CGRRF1: variants seen among roughly 807,000 people sequenced by gnomAD.
The protein encoded by CGRRF1 is cell growth regulator with RING finger domain protein 1.
Under a neutral mutation model 37.2 loss-of-function variants are expected in CGRRF1, and 32 were observed. The ratio of observed to expected loss-of-function variants is 0.86; its 90% CI spans 0.65 to 1.16. The LOEUF (loss-of-function observed/expected upper bound fraction) is 1.16, where lower values mean the gene tolerates loss of function less well. CGRRF1 is among the 50% of genes most tolerant of loss of function. CGRRF1 has a pLI of 0.00. For synonymous variants in CGRRF1, 141 were observed against 140.3 expected, an observed-to-expected ratio of 1.00 and a Z score of -0.04; for missense variants, 391 against 382.6, an observed-to-expected ratio of 1.02 and a Z score of -0.18.
rs763579500 is a variant in CGRRF1, at chr14:54,537,734, T to G, written c.583T>G (p.Ser195Ala). The change falls in exon 5 of 6, where the codon TCA becomes GCA. Residue 195 changes from serine to alanine, a missense_variant. Ser to Ala is a moderately conservative substitution (Grantham distance 99). Transcript: ENST00000216420. ...ATTTTTATTTTAGATTTCCATGGTG[T>G]CAGTGATTCATATTCCTGATAGGAC... is the stretch of plus-strand genomic sequence containing the variant. ...REIYDIISMV[S>A]VIHIPDRTYK... 1 of 1,570,896 alleles carries G rather than the reference T, an allele frequency of 6.4e-7. No homozygotes were observed. The highest frequency in any genetic ancestry group is 8.6e-7 in the Non-Finnish European group (1 of 1,163,586).
At chr14:54,531,563 G>A (rs533974911) in intron 4 of CGRRF1, among the ~76,000 whole-genome samples, 21 of 152,184 alleles carry the variant, frequency 1.4e-4, no homozygotes, top group South Asian at 6.2e-4. Flanking sequence ...AATAATGATC[G>A]AAAGTGCTCA....
intron 2 of CGRRF1, 95 bp from the exon 3 acceptor site, chr14:54,529,954 C>A: frequency 2.0e-6 from 2 of 979,938 alleles, no homozygotes; most frequent in Non-Finnish European, 3.0e-6. Flanking sequence ...TCATCCTGGC[C>A]AGCATCCAAA....
intron 4 of CGRRF1, among the ~76,000 whole-genome samples, chr14:54,535,358 G>GACACACACACACACAC: frequency 9.2e-6 from 1 of 108,694 alleles, no homozygotes; most frequent in African/African-American, 3.7e-5. Flanking sequence ...GAAGGGTATA[G>GACACACACACACACAC]TCACACACAC....
rs1182321047 is a variant in CGRRF1, at chr14:54,538,191, G to A, written c.807G>A (p.Glu269=). 6.2e-7 allele frequency: 1 copy of A among 1,614,106 alleles called. No homozygotes were observed. The highest frequency in any genetic ancestry group is 8.5e-7 in the Non-Finnish European group (1 of 1,180,048). The stretch of plus-strand genomic sequence containing the variant: ...AAAGTGAAGTTGAGCCATCGGAAGA[G>A]AACAGCAAGGACTGTGTTGTTTGCC... ...LSESEVEPSE[E]NSKDCVVCQN... Residue 269 remains glutamate, a synonymous_variant, in exon 6 of 6, where the codon GAG becomes GAA. Transcript: ENST00000216420.
intron 4 of CGRRF1, 137 bp from the exon 5 acceptor site, chr14:54,537,585 C>T (rs927679528): frequency 3.5e-5 from 31 of 890,858 alleles, no homozygotes; most frequent in Non-Finnish European, 4.5e-5. Flanking sequence ...AATTTATCAG[C>T]CTTTTATTTT....
intron 1 of CGRRF1, among the ~76,000 whole-genome samples, chr14:54,512,966 C>T (rs1464622484): frequency 6.6e-6 from 1 of 152,210 alleles, no homozygotes; most frequent in Non-Finnish European, 1.5e-5. Context: ...AAGTAGGACT[C>T]AGTGTCCTCT....
At chr14:54,524,898 G>C (rs750629852) in intron 2 of CGRRF1, among the ~76,000 whole-genome samples, 1 of 152,076 alleles carries the variant, frequency 6.6e-6, no homozygotes, top group Non-Finnish European at 1.5e-5. Context: ...ATAGTAGGTT[G>C]TGCATGCCTG....
chr14:54,524,769 T>A (rs1186876544), intron 2 of CGRRF1, among the ~76,000 whole-genome samples: 1 of 152,136 alleles, frequency 6.6e-6, no homozygotes, highest in Non-Finnish European at 1.5e-5. Flanking sequence ...GAAACTAGGA[T>A]CTCGGCCACT....
chr14:54,522,318 A>G, intron 1 of CGRRF1, 136 bp from the exon 2 acceptor site: 1 of 591,440 alleles, frequency 1.7e-6, no homozygotes, highest in Non-Finnish European at 2.7e-6. Flanking sequence ...CTCTAAAATA[A>G]CGTAAATTGA....
In CGRRF1 at chr14:54,522,594, G is replaced by A. The variant is rs1212241695; in HGVS notation, c.244+1G>A. 5.7e-6 allele frequency: 9 copies of A among 1,578,140 alleles called. No individual in the cohort carries two copies. The Admixed American group carries it at 1.0e-4, about 18-fold the overall frequency. On this transcript the variant is annotated splice_donor_variant, in intron 2 of 5. Coordinates refer to ENST00000216420, the MANE Select transcript of CGRRF1 (RefSeq NM_006568.3). LOFTEE classifies it high-confidence loss of function. ...AATCCATCTTCAGCTTCAATTACAAGTTGGTGGCTGTTTTCCAAAGATTTT... is the reference window on the plus strand; with the variant it reads ...AATCCATCTTCAGCTTCAATTACAAATTGGTGGCTGTTTTCCAAAGATTTT...
intron 4 of CGRRF1, among the ~76,000 whole-genome samples, chr14:54,534,939 A>C (rs2032576280): frequency 6.6e-6 from 1 of 152,130 alleles, no homozygotes. Flanking sequence ...GGCTGGTCTC[A>C]AACTCCTGAG....
chr14:54,530,992 A>G lies in CGRRF1; in HGVS notation c.512A>G (p.Tyr171Cys), dbSNP rs762851087. The G allele has an allele frequency of 6.2e-7, 1 of 1,612,460 alleles. No homozygotes were observed. Among genetic ancestry groups the G allele is most frequent in the Admixed American group, 1.7e-5 (1 of 59,968 alleles). Residue 171 changes from tyrosine to cysteine, a missense_variant, in exon 4 of 6, where the codon TAT (tyrosine) becomes TGT (cysteine). Coordinates refer to ENST00000216420, the MANE Select transcript of CGRRF1 (RefSeq NM_006568.3). ...TTTGGTACAGTACCCAGATCTCGCT[A>G]TCCATTGGTAGCGCTATTGACCTTA... Reference protein sequence around the residue: ...EDFGTVPRSRYPLVALLTLAD... With the variant: ...EDFGTVPRSRCPLVALLTLAD...
chr14:54,510,856 T>C (rs2032118256), intron 1 of CGRRF1, among the ~76,000 whole-genome samples: 1 of 152,204 alleles, frequency 6.6e-6, no homozygotes, highest in African/African-American at 2.4e-5. Flanking sequence ...ACAGTTTTTC[T>C]AGGCTGCAGC....
intron 1 of CGRRF1, among the ~76,000 whole-genome samples, chr14:54,514,551 A>G (rs1468092359): frequency 1.3e-5 from 2 of 152,204 alleles, no homozygotes; most frequent in East Asian, 3.8e-4. Context: ...CCAGGTATTA[A>G]TCCCAGTACT....
chr14:54,522,438 T>C lies in CGRRF1; in HGVS notation c.105-16T>C, dbSNP rs1594650400. 6.7e-7 allele frequency: 1 copy of C among 1,491,622 alleles called. No individual in the cohort carries two copies. The highest frequency in any genetic ancestry group is 9.0e-7 in the Non-Finnish European group (1 of 1,115,816). The allele number at this position is 1,491,622 out of a possible 1,614,324, so 92.4% of individuals were successfully genotyped here. A position where few individuals can be genotyped will look rare whatever the true frequency, so the allele number is the denominator to read the frequency against. The stretch of plus-strand genomic sequence containing the variant: ...ACATTTGTTAAAATAATATTTTATT[T>C]TTTACCTTTTTTTAGGTTTGGTTGG... On this transcript the variant is annotated splice_polypyrimidine_tract_variant and intron_variant, in intron 1 of 5. Transcript: ENST00000216420.
At chr14:54,533,316 T>C (rs2032549742) in intron 4 of CGRRF1, among the ~76,000 whole-genome samples, 1 of 152,114 alleles carries the variant, frequency 6.6e-6, no homozygotes, top group Admixed American at 6.6e-5. Context: ...GGGAGGCTTG[T>C]TCCCATAGGG....
intron 1 of CGRRF1, 94 bp from the exon 2 acceptor site, chr14:54,522,359 TA>T: frequency 1.1e-6 from 1 of 876,798 alleles, no homozygotes; most frequent in Non-Finnish European, 1.6e-6. Flanking sequence ...CACTTAATGC[TA>T]AAAGGAATCG....
At position 54,510,046 on chromosome 14, in the gene CGRRF1, C is replaced by A; in HGVS notation, c.87C>A (p.Thr29=). 5 of 1,612,234 alleles carry A rather than the reference C, an allele frequency of 3.1e-6. No individual in the cohort carries two copies. Among genetic ancestry groups the A allele is most frequent in the Non-Finnish European group, 4.2e-6 (5 of 1,178,326 alleles). Residue 29 remains threonine (T), a synonymous_variant, in exon 1 of 6, where the codon ACC becomes ACA. Coordinates refer to ENST00000216420, the MANE Select transcript of CGRRF1 (RefSeq NM_006568.3). ...TCTTTACCTGCTTCATCGTGACCAC[C>A]GGCCTGGTATTGGGATGGTAAGTGT... ...AVVFTCFIVT[T]GLVLGWFGWD...
intron 1 of CGRRF1, among the ~76,000 whole-genome samples, chr14:54,520,616 G>C (rs111871447): frequency 6.6e-6 from 1 of 152,154 alleles, no homozygotes; most frequent in Non-Finnish European, 1.5e-5. Context: ...CCATAAATTT[G>C]TTGTGCCTGC....
Sources: gnomAD v4.1 joint callset for allele counts (sites outside exome capture counted in the v4.1 genomes callset) on GRCh38, gnomAD v4.1.1 for gene constraint, MANE v1.5 for transcripts, NCBI Gene and HGNC (gene_info 2026-07-23, HGNC 2026-07-21) for gene names.